Variants in MCHR2 observed in about 807,000 individuals in gnomAD.
MCHR2 encodes melanin concentrating hormone receptor 2, also known as melanin-concentrating hormone receptor 2.
MCHR2 carries 15 observed loss-of-function variants against 24.8 expected under a neutral mutation model. That is an observed-to-expected ratio of 0.60 (90% CI 0.40 to 0.93). MCHR2 has a LOEUF of 0.93. Ranked by LOEUF, MCHR2 falls within the 40% of genes least tolerant of loss-of-function variation. The pLI is 0.00. For missense variants in MCHR2, 386 were observed against 408.7 expected (o/e 0.94, Z 0.48); for synonymous variants, 151 against 147.6 (o/e 1.02, Z -0.17).
At chr6:99,966,007 C>T (rs2114558374) in intron 1 of MCHR2, among the ~76,000 whole-genome samples, 1 of 152,222 alleles carries the variant, frequency 6.6e-6, no homozygotes, top group African/African-American at 2.4e-5. Context: ...AGTCAGAAGG[C>T]TTACTTGTTA....
At chr6:99,959,085 G>A (rs1364618347) in intron 1 of MCHR2, among the ~76,000 whole-genome samples, 1 of 152,016 alleles carries the variant, frequency 6.6e-6, no homozygotes, top group African/African-American at 2.4e-5. Flanking sequence ...CTTTTGGGGG[G>A]TTTCCAGAGG....
intron 1 of MCHR2, among the ~76,000 whole-genome samples, chr6:99,956,906 A>G (rs1775073748): frequency 6.6e-6 from 1 of 152,130 alleles, no homozygotes; most frequent in Non-Finnish European, 1.5e-5. Flanking sequence ...GATTACTCAG[A>G]TTAATCTTCC....
chr6:99,929,538 T>A (rs1774459538), intron 5 of MCHR2, among the ~76,000 whole-genome samples: 1 of 152,180 alleles, frequency 6.6e-6, no homozygotes, highest in South Asian at 2.1e-4. Flanking sequence ...TGGGTGCATA[T>A]ATATTTAGGA....
At chr6:99,969,462 A>G (rs1416546784) in intron 1 of MCHR2, among the ~76,000 whole-genome samples, 1 of 119,738 alleles carries the variant, frequency 8.4e-6, no homozygotes, top group Non-Finnish European at 1.7e-5. Context: ...GAGAAGAGCA[A>G]GACTCCATCT....
intron 5 of MCHR2, among the ~76,000 whole-genome samples, chr6:99,933,745 A>C (rs1377286899): frequency 6.6e-6 from 1 of 152,150 alleles, no homozygotes; most frequent in Non-Finnish European, 1.5e-5. Context: ...TATAATGTTT[A>C]ATAAATGTAA....
At chr6:99,945,034 A>T (rs1319751028) in intron 3 of MCHR2, among the ~76,000 whole-genome samples, 1 of 152,050 alleles carries the variant, frequency 6.6e-6, no homozygotes, top group Non-Finnish European at 1.5e-5. Context: ...TTCTCTGACC[A>T]CCCATTCTAT....
chr6:99,962,759 C>A (rs1318962349), intron 1 of MCHR2, among the ~76,000 whole-genome samples: 1 of 151,986 alleles, frequency 6.6e-6, no homozygotes, highest in Non-Finnish European at 1.5e-5. Flanking sequence ...CTACACTGAA[C>A]TAAAAAGCTT....
At chr6:99,957,018 A>G (rs1775077332) in intron 1 of MCHR2, among the ~76,000 whole-genome samples, 1 of 151,930 alleles carries the variant, frequency 6.6e-6, no homozygotes, top group African/African-American at 2.4e-5. Context: ...AAAAATACTC[A>G]AGGTCTGAAA....
At chr6:99,925,123 G>C (rs975095205) in intron 5 of MCHR2, among the ~76,000 whole-genome samples, 1 of 151,982 alleles carries the variant, frequency 6.6e-6, no homozygotes, top group Non-Finnish European at 1.5e-5. Context: ...ATATCCTCTT[G>C]CTAAATTGAC....
At position 99,934,580 on chromosome 6, in the gene MCHR2, G is replaced by A. The variant is rs1392285266; in HGVS notation, c.588-63C>T. The stretch of plus-strand genomic sequence containing the variant: ...CAACACCATTACATTAATTGGATTA[G>A]GAATTGGCTTTTGCAGTTTCCGAGG... On this transcript the variant is annotated intron_variant, in intron 4 of 5. Transcript: ENST00000281806. 3 of 1,392,398 alleles carry A rather than the reference G, an allele frequency of 2.2e-6. No homozygotes were observed. In the East Asian group the frequency reaches 8.0e-5, roughly 37 times the overall value. The allele number at this position is 1,392,398 out of a possible 1,614,324, so 86.3% of individuals were successfully genotyped here. A position where few individuals can be genotyped will look rare whatever the true frequency, so the allele number is the denominator to read the frequency against.
chr6:99,981,774 A>C (rs1238800953), intron 1 of MCHR2, among the ~76,000 whole-genome samples: 1 of 152,118 alleles, frequency 6.6e-6, no homozygotes, highest in Non-Finnish European at 1.5e-5. Flanking sequence ...TTGATGTGGA[A>C]AGCTCTTCTT....
In MCHR2 at chr6:99,922,707, G is replaced by A. The variant is rs573738611; in HGVS notation, c.708-1452C>T. ...TTAAAAATGAATTCATTGTAGGTGTGTGAATTTGTTTCTGGGTTTTCTATT... is the reference window on the plus strand; with the variant it reads ...TTAAAAATGAATTCATTGTAGGTGTATGAATTTGTTTCTGGGTTTTCTATT... On this transcript the variant is annotated intron_variant, in intron 5 of 5. Transcript: ENST00000281806. Among the ~76,000 whole-genome samples, 16 of 152,270 alleles carry A rather than the reference G, an allele frequency of 1.1e-4. 1 individual carries two copies. Among genetic ancestry groups the A allele is most frequent in the Non-Finnish European group, 1.9e-4 (13 of 68,020 alleles).
intron 1 of MCHR2, among the ~76,000 whole-genome samples, chr6:99,967,524 A>C (rs183658357): frequency 1.3e-5 from 2 of 152,308 alleles, no homozygotes; most frequent in Admixed American, 1.3e-4. Context: ...ATTATCTTCA[A>C]CTTATTTTAG....
At chr6:99,967,249 A>G (rs1168558890) in intron 1 of MCHR2, among the ~76,000 whole-genome samples, 1 of 152,100 alleles carries the variant, frequency 6.6e-6, no homozygotes, top group African/African-American at 2.4e-5. Context: ...CACATCATTC[A>G]TCTATGTATA....
At chr6:99,953,440 G>A (rs1775002203) in intron 2 of MCHR2, among the ~76,000 whole-genome samples, 1 of 151,976 alleles carries the variant, frequency 6.6e-6, no homozygotes, top group South Asian at 2.1e-4. Context: ...GGTCCAACAG[G>A]CAAATGGGAG....
intron 5 of MCHR2, among the ~76,000 whole-genome samples, chr6:99,923,388 CTTTT>C (rs1287169456): frequency 6.6e-6 from 1 of 151,954 alleles, no homozygotes; most frequent in Non-Finnish European, 1.5e-5. Context: ...TTATTTCTTT[CTTTT>C]GTCTGATTGC....
At chr6:99,940,002 C>T (rs1206528940) in intron 4 of MCHR2, among the ~76,000 whole-genome samples, 2 of 150,284 alleles carry the variant, frequency 1.3e-5, no homozygotes, top group African/African-American at 4.9e-5. Flanking sequence ...TTTTCTCTTA[C>T]TGATTTTAGA....
At chr6:99,951,733 T>G (rs1774969188) in intron 2 of MCHR2, among the ~76,000 whole-genome samples, 2 of 152,210 alleles carry the variant, frequency 1.3e-5, no homozygotes, top group African/African-American at 4.8e-5. Flanking sequence ...TGTTAGTTAT[T>G]ATTTAATCTG....
Position 99,956,854 on chromosome 6 carries a change from TA to T in MCHR2, c.-27-681del, listed in dbSNP as rs1265811849. ...ATCAAACTTTTGATAAAAGACATTT[TA>T]AAAATATCATCTAAGTCTGGTATTT... On this transcript the variant is annotated intron_variant, in intron 1 of 5. Transcript: ENST00000281806. Among the ~76,000 whole-genome samples the T allele has an allele frequency of 5.3e-5, 8 of 152,236 alleles. No homozygotes were observed. The East Asian group carries it at 1.5e-3, about 29-fold the overall frequency.
Sources: allele counts gnomAD v4.1 joint callset (sites outside exome capture counted in the v4.1 genomes callset), GRCh38; gene constraint gnomAD v4.1.1; transcripts MANE v1.5; gene names NCBI Gene and HGNC (gene_info 2026-07-23, HGNC 2026-07-21).